FAAH2: variants seen among roughly 807,000 people sequenced by gnomAD.
FAAH2 encodes fatty acid amide hydrolase 2, also known as fatty-acid amide hydrolase 2.
Under a neutral mutation model 36.9 loss-of-function variants are expected in FAAH2, and 60 were observed. The ratio of observed to expected loss-of-function variants is 1.63; its 90% CI spans 1.32 to 2.02. The LOEUF is 2.02. FAAH2 is among the 30% of genes most tolerant of loss of function. FAAH2 has a pLI of 0.00. For missense variants in FAAH2, 689 were observed against 397.5 expected (o/e 1.73, Z -6.23); for synonymous variants, 214 against 143.8 (o/e 1.49, Z -3.49).
the FAAH2 span, among the ~76,000 whole-genome samples, chrX:57,159,195 C>T: frequency 9.0e-6 from 1 of 111,638 alleles, no homozygotes; most frequent in Non-Finnish European, 1.9e-5. Context: ...TTCCATTTGT[C>T]TATATCTCTG....
intron 4 of FAAH2, among the ~76,000 whole-genome samples, chrX:57,335,746 C>T (rs769299490): frequency 5.4e-5 from 6 of 111,381 alleles, no homozygotes; most frequent in East Asian, 2.9e-4. Context: ...TCCCTTCCCA[C>T]GAGGCCATAT....
Position 57,362,884 on chromosome X carries a change from A to G in FAAH2, c.743-15767A>G, listed in dbSNP as rs1378200581. On this transcript the variant is annotated intron_variant, in intron 5 of 10. Transcript: ENST00000374900. ...CAACTTTGTGGAAGACCAGGTTGTT[A>G]TAGATTTGAAGCTTTATTTCTGGGT... Among the ~76,000 whole-genome samples, 6 of 111,801 alleles carry G rather than the reference A, an allele frequency of 5.4e-5. No homozygotes were observed. In the East Asian group the frequency reaches 1.7e-3, roughly 31 times the overall value.
At chrX:57,437,551 T>G (rs760047760) in intron 8 of FAAH2, among the ~76,000 whole-genome samples, 1 of 109,081 alleles carries the variant, frequency 9.2e-6, no homozygotes, top group Non-Finnish European at 1.9e-5. Context: ...ACAAAATACA[T>G]GTATAAAAAC....
chrX:57,350,736 C>A (rs1368170761), intron 5 of FAAH2, among the ~76,000 whole-genome samples: 1 of 110,119 alleles, frequency 9.1e-6, no homozygotes, highest in Non-Finnish European at 1.9e-5. Context: ...GACATTAAGT[C>A]AAAAACAATT....
the FAAH2 span, among the ~76,000 whole-genome samples, chrX:57,271,652 C>T: frequency 5.4e-4 from 61 of 112,126 alleles, no homozygotes; most frequent in Admixed American, 1.5e-3. Flanking sequence ...CAGCAAACTC[C>T]AGCTGACTGG....
chrX:57,201,482 T>C, the FAAH2 span, among the ~76,000 whole-genome samples: 4 of 111,252 alleles, frequency 3.6e-5, no homozygotes, highest in Non-Finnish European at 7.5e-5. Flanking sequence ...ATCTCCTTTG[T>C]ATATTACTGG....
intron 10 of FAAH2, among the ~76,000 whole-genome samples, chrX:57,481,451 A>G (rs1200037988): frequency 9.0e-6 from 1 of 110,733 alleles, no homozygotes; most frequent in Non-Finnish European, 1.9e-5. Context: ...GTTGATGTCG[A>G]TGTTGTTGCT....
chrX:57,335,823 C>G (rs1033922277), intron 4 of FAAH2, among the ~76,000 whole-genome samples: 2 of 111,921 alleles, frequency 1.8e-5, no homozygotes, highest in African/African-American at 6.5e-5. Context: ...GTACCTGCGG[C>G]CTTCTGCAGT....
intron 5 of FAAH2, among the ~76,000 whole-genome samples, chrX:57,370,003 G>A (rs752769445): frequency 1.2e-3 from 132 of 111,423 alleles, no homozygotes; most frequent in Non-Finnish European, 2.1e-3. Context: ...ATTATTTATT[G>A]TAACTGTAAG....
At chrX:57,482,873 G>T (rs2057406304) in intron 10 of FAAH2, among the ~76,000 whole-genome samples, 1 of 109,871 alleles carries the variant, frequency 9.1e-6, no homozygotes, top group African/African-American at 3.3e-5. Context: ...TTGCAGAGAA[G>T]TCCACTCTTA....
Position 57,306,994 on chromosome X carries a change from GATAC to G in FAAH2, c.276-3595_276-3592del, listed in dbSNP as rs1555964889. ...ACACGTATACACACACACACACACA[GATAC>G]ATATATATATATATATATAGCCTTT... On this transcript the variant is annotated intron_variant, in intron 2 of 10. Transcript: ENST00000374900. Among the ~76,000 whole-genome samples, 25 of 31,016 alleles carry G rather than the reference GATAC, an allele frequency of 8.1e-4. 4 individuals are homozygous for G. In the East Asian group the frequency reaches 8.2e-3, roughly 10 times the overall value. 26.9% of individuals were successfully genotyped at this position (31,016 alleles called of 115,157 possible).
At chrX:57,448,760 T>G in intron 10 of FAAH2, 42 bp downstream of exon 10, 2 of 1,117,333 alleles carry the variant, frequency 1.8e-6, no homozygotes, top group South Asian at 4.0e-5. Context: ...CTTAAAGAAA[T>G]AGAGATGTAT....
intron 8 of FAAH2, among the ~76,000 whole-genome samples, chrX:57,445,016 G>A (rs1035304170): frequency 2.7e-5 from 3 of 111,536 alleles, no homozygotes; most frequent in African/African-American, 9.8e-5. Flanking sequence ...GTTAGGTTAT[G>A]TTTTCCTGGA....
the FAAH2 span, among the ~76,000 whole-genome samples, chrX:57,228,464 C>T: frequency 1.8e-5 from 2 of 111,281 alleles, no homozygotes; most frequent in Non-Finnish European, 3.8e-5. Context: ...CTCCCTTTTC[C>T]ACTTCCATGG....
chrX:57,352,043 T>C (rs1287499081), intron 5 of FAAH2, among the ~76,000 whole-genome samples: 4 of 19,255 alleles, frequency 2.1e-4, no homozygotes, highest in Non-Finnish European at 3.9e-4. Context: ...TATACATATA[T>C]ATATGTGTAT....
chrX:57,274,707 T>G, the FAAH2 span, among the ~76,000 whole-genome samples: 1 of 111,452 alleles, frequency 9.0e-6, no homozygotes, highest in Non-Finnish European at 1.9e-5. Context: ...AATCAATGCC[T>G]CTTCATGCTA....
At position 57,489,027 on chromosome X, in the gene FAAH2, G is replaced by A; in HGVS notation, c.*95G>A. 1.1e-6 allele frequency: 1 copy of A among 881,357 alleles called. No homozygotes were observed. Among genetic ancestry groups the A allele is most frequent in the East Asian group, 3.4e-5 (1 of 29,156 alleles). 72.6% of individuals were successfully genotyped at this position (881,357 alleles called of 1,213,427 possible). A position where few individuals can be genotyped will look rare whatever the true frequency, so the allele number is the denominator to read the frequency against. On this transcript the variant is annotated 3_prime_UTR_variant, in exon 11 of 11. Coordinates refer to ENST00000374900, the MANE Select transcript of FAAH2 (RefSeq NM_174912.4). ...GAAATCAAGCACCAGCAGACAAGCAGAGAAACAACTGGGGAATTTATTGAC... is the reference window on the plus strand; with the variant it reads ...GAAATCAAGCACCAGCAGACAAGCAAAGAAACAACTGGGGAATTTATTGAC...
intron 7 of FAAH2, among the ~76,000 whole-genome samples, chrX:57,419,096 T>A (rs1474222051): frequency 1.6e-4 from 17 of 108,135 alleles, no homozygotes; most frequent in African/African-American, 5.7e-4. Context: ...ATGTGCCACA[T>A]TTTCTTAATC....
the FAAH2 span, among the ~76,000 whole-genome samples, chrX:57,264,152 G>A: frequency 3.6e-5 from 4 of 111,941 alleles, no homozygotes; most frequent in African/African-American, 1.3e-4. Context: ...AGAATCTAGT[G>A]TTGACAAAGA....
Sources: allele counts gnomAD v4.1 joint callset (sites outside exome capture counted in the v4.1 genomes callset), GRCh38; gene constraint gnomAD v4.1.1; transcripts MANE v1.5; gene names NCBI Gene and HGNC (gene_info 2026-07-23, HGNC 2026-07-21).